MYOM1: variants seen among roughly 807,000 people sequenced by gnomAD.
The protein encoded by MYOM1 is myomesin 1.
A neutral mutation model predicts 205.3 loss-of-function variants in MYOM1; 164 were observed. That is an observed-to-expected ratio of 0.80 (90% CI 0.70 to 0.91). The LOEUF is 0.91. Ranked by LOEUF, MYOM1 falls within the 40% of genes least tolerant of loss-of-function variation. The pLI, the probability that MYOM1 is intolerant of heterozygous loss-of-function variation, is 0.00. For synonymous variants in MYOM1, 772 were observed against 789.4 expected (o/e 0.98, Z 0.37); for missense variants, 2,011 against 2,127.3 (o/e 0.95, Z 1.08).
chr18:3,175,999 C>T (rs762120892), intron 6 of MYOM1, 43 bp downstream of exon 6: 2 of 1,278,986 alleles, frequency 1.6e-6, no homozygotes, highest in African/African-American at 2.9e-5. Flanking sequence ...AGAAGCCTCC[C>T]TGAGCAATGG....
At chr18:3,197,632 G>A (rs1427743761) in intron 2 of MYOM1, among the ~76,000 whole-genome samples, 2 of 152,072 alleles carry the variant, frequency 1.3e-5, no homozygotes, top group Non-Finnish European at 2.9e-5. Context: ...CCAGCACGTT[G>A]GGAGGCCAAG....
chr18:3,245,059 A>G, the MYOM1 span, among the ~76,000 whole-genome samples: 9 of 152,248 alleles, frequency 5.9e-5, no homozygotes, highest in Admixed American at 2.0e-4. Context: ...CTTCAATCGA[A>G]TTGGCCAGCA....
At chr18:3,077,905 A>G (rs2079037966) in intron 34 of MYOM1, among the ~76,000 whole-genome samples, 1 of 152,102 alleles carries the variant, frequency 6.6e-6, no homozygotes, top group Non-Finnish European at 1.5e-5. Flanking sequence ...GAGTCTTTCT[A>G]GTCGCCGTGA....
intron 34 of MYOM1, among the ~76,000 whole-genome samples, chr18:3,078,190 T>C (rs1180244540): frequency 3.3e-5 from 5 of 151,980 alleles, no homozygotes; most frequent in African/African-American, 1.2e-4. Context: ...TACAGGCATG[T>C]GCCACCACAG....
chr18:3,155,467 G>T (rs375412145), intron 10 of MYOM1, among the ~76,000 whole-genome samples: 1 of 152,092 alleles, frequency 6.6e-6, no homozygotes, highest in Non-Finnish European at 1.5e-5. Context: ...CTTGTGATCC[G>T]CCCGCCTCGG....
chr18:3,194,097 G>T, intron 2 of MYOM1, 139 bp from the exon 3 acceptor site: 1 of 869,424 alleles, frequency 1.2e-6, no homozygotes, highest in Non-Finnish European at 1.7e-6. Flanking sequence ...CTTATCTTTA[G>T]AATTAAAGTA....
intron 22 of MYOM1, among the ~76,000 whole-genome samples, chr18:3,107,464 C>A (rs2079467042): frequency 6.6e-6 from 1 of 152,154 alleles, no homozygotes; most frequent in Non-Finnish European, 1.5e-5. Flanking sequence ...ATTGGATATT[C>A]ATTTTTCAAA....
rs1431659853 is a variant in MYOM1, at chr18:3,101,024, C to A, written c.3576-598G>T. On this transcript the variant is annotated intron_variant, in intron 23 of 37. Coordinates refer to ENST00000356443, the MANE Select transcript of MYOM1 (RefSeq NM_003803.4). The stretch of plus-strand genomic sequence containing the variant: ...CACTGGGTTTTCTAACTTTGGTAAG[C>A]TATATTGCTAGGCAGTGTCTAAGAT... 4.5e-4 allele frequency among the ~76,000 whole-genome samples: 68 copies of A among 152,170 alleles called. 1 individual carries two copies. Among genetic ancestry groups the A allele is most frequent in the Admixed American group, 4.4e-3 (67 of 15,278 alleles).
At chr18:3,098,765 A>G (rs1052481108) in intron 25 of MYOM1, among the ~76,000 whole-genome samples, 1 of 152,184 alleles carries the variant, frequency 6.6e-6, no homozygotes, top group South Asian at 2.1e-4. Flanking sequence ...AACTTTTTCA[A>G]AATTAACATT....
chr18:3,134,848 C>A lies in MYOM1; in HGVS notation c.2210-24G>T, dbSNP rs748483960. ...ATCTGAGAAAGAGGAAAATGGTGATCAAACTCAAGTGGTTTTAAAAATTCA... is the reference window on the plus strand; with the variant it reads ...ATCTGAGAAAGAGGAAAATGGTGATAAAACTCAAGTGGTTTTAAAAATTCA... On this transcript the variant is annotated intron_variant, in intron 15 of 37. Coordinates refer to ENST00000356443, the MANE Select transcript of MYOM1 (RefSeq NM_003803.4). The A allele has an allele frequency of 3.7e-6, 6 of 1,613,154 alleles. 1 individual carries two copies. The African/African-American group carries it at 6.7e-5, about 18-fold the overall frequency.
intron 33 of MYOM1, 77 bp downstream of exon 33, chr18:3,083,712 C>T: frequency 8.8e-7 from 1 of 1,138,854 alleles, no homozygotes; most frequent in East Asian, 2.7e-5. Flanking sequence ...TCCCAAAGTG[C>T]TGGGATTACA....
the MYOM1 span, among the ~76,000 whole-genome samples, chr18:3,241,384 G>A: frequency 6.6e-6 from 1 of 152,204 alleles, no homozygotes; most frequent in Non-Finnish European, 1.5e-5. Flanking sequence ...GCTGAAAGGG[G>A]CCAAGGTACA....
Position 3,083,427 on chromosome 18 carries a change from C to CTTTTT in MYOM1, c.4484+357_4484+361dup, listed in dbSNP as rs35959808. The stretch of plus-strand genomic sequence containing the variant: ...TCTTTTCTTTTTTCTTTTTCTTTTT[C>CTTTTT]TTTTTTTTTTTTTTTTTTTGAGACA... On this transcript the variant is annotated intron_variant, in intron 33 of 37. Coordinates refer to ENST00000356443, the MANE Select transcript of MYOM1 (RefSeq NM_003803.4). Among the ~76,000 whole-genome samples, 38 of 98,550 alleles carry CTTTTT rather than the reference C, an allele frequency of 3.9e-4. 1 individual carries two copies. Among genetic ancestry groups the CTTTTT allele is most frequent in the East Asian group, 9.0e-4 (3 of 3,328 alleles). 64.7% of individuals were successfully genotyped at this position (98,550 alleles called of 152,430 possible). A position where few individuals can be genotyped will look rare whatever the true frequency, so the allele number is the denominator to read the frequency against.
intron 2 of MYOM1, among the ~76,000 whole-genome samples, chr18:3,200,212 A>G (rs1341064457): frequency 1.3e-5 from 2 of 152,158 alleles, no homozygotes; most frequent in Non-Finnish European, 2.9e-5. Flanking sequence ...AAAAAACAAA[A>G]AACAAAACCA....
At chr18:3,195,234 TG>T in intron 2 of MYOM1, among the ~76,000 whole-genome samples, 1 of 152,330 alleles carries the variant, frequency 6.6e-6, no homozygotes, top group South Asian at 2.1e-4. Flanking sequence ...GGAGGTCGCA[TG>T]GAAATGGCCA....
At chr18:3,147,748 G>C in intron 13 of MYOM1, among the ~76,000 whole-genome samples, 1 of 152,120 alleles carries the variant, frequency 6.6e-6, no homozygotes, top group East Asian at 1.9e-4. Context: ...GTTGGGTAAA[G>C]AACAATCTTT....
Position 3,188,858 on chromosome 18 carries a change from C to CGG in MYOM1, c.660_661insCC (p.Val221ProfsTer25), listed in dbSNP as rs751591486. The CGG allele has an allele frequency of 1.7e-5, 27 of 1,613,336 alleles. No individual in the cohort carries two copies. In the African/African-American group the frequency reaches 2.0e-4, roughly 12 times the overall value. ...GCGGATGTGGCCTGTTTGGAAACCA[C>CGG]AGACTGCCTGGATGCCGTGGACTGC... On this transcript the variant is annotated frameshift_variant, in exon 4 of 38. Coordinates refer to ENST00000356443, the MANE Select transcript of MYOM1 (RefSeq NM_003803.4). LOFTEE classifies it high-confidence loss of function.
intron 16 of MYOM1, among the ~76,000 whole-genome samples, chr18:3,132,501 G>C (rs528889158): frequency 7.9e-5 from 12 of 152,174 alleles, no homozygotes; most frequent in Admixed American, 1.3e-4. Context: ...TACATGGGAA[G>C]GTTTGTTATA....
At chr18:3,074,660 CTG>C (rs2079000188) in intron 36 of MYOM1, among the ~76,000 whole-genome samples, 1 of 152,160 alleles carries the variant, frequency 6.6e-6, no homozygotes, top group African/African-American at 2.4e-5. Context: ...TTTGCTTGGA[CTG>C]TGTCTAGTTA....
Sources: allele counts gnomAD v4.1 joint callset (sites outside exome capture counted in the v4.1 genomes callset), GRCh38; gene constraint gnomAD v4.1.1; transcripts MANE v1.5; gene names NCBI Gene and HGNC (gene_info 2026-07-23, HGNC 2026-07-21).